Variants in MMP20 observed in about 807,000 individuals in gnomAD.
MMP20 encodes the protein matrix metallopeptidase 20, also known as matrix metalloproteinase-20.
Under a neutral mutation model 51.8 loss-of-function variants are expected in MMP20, and 50 were observed. The observed-to-expected ratio is 0.97, with a 90% confidence interval of 0.77 to 1.22. The LOEUF is 1.22. Among genes scored for constraint, MMP20 ranks in the 50% most tolerant of loss-of-function variants. The pLI, the probability that MMP20 is intolerant of heterozygous loss-of-function variation, is 0.00. For missense variants in MMP20, 663 were observed against 601.4 expected (o/e 1.10, Z -1.07); for synonymous variants, 244 against 216.2 (o/e 1.13, Z -1.13).
At chr11:102,579,540 G>C (rs1372952899) in intron 8 of MMP20, among the ~76,000 whole-genome samples, 1 of 151,966 alleles carries the variant, frequency 6.6e-6, no homozygotes, top group East Asian at 1.9e-4. Context: ...TCAAACTCCT[G>C]GTCTCAAGCA....
At chr11:102,606,779 T>C (rs1859523726) in intron 5 of MMP20, 103 bp from the exon 6 acceptor site, 5 of 1,373,244 alleles carry the variant, frequency 3.6e-6, no homozygotes, top group East Asian at 2.3e-5. Flanking sequence ...ACGCTGGACA[T>C]GTGATCATGA....
chr11:102,584,886 T>A (rs1218168626), intron 8 of MMP20, among the ~76,000 whole-genome samples: 1 of 152,184 alleles, frequency 6.6e-6, no homozygotes, highest in Admixed American at 6.5e-5. Flanking sequence ...ATACCATTTT[T>A]CTCCTTTGAA....
intron 1 of MMP20, among the ~76,000 whole-genome samples, chr11:102,624,959 C>T (rs1591628121): frequency 6.6e-6 from 1 of 152,126 alleles, no homozygotes; most frequent in East Asian, 1.9e-4. Flanking sequence ...CTTTATGAAG[C>T]AAGATAGCTA....
intron 2 of MMP20, among the ~76,000 whole-genome samples, chr11:102,615,186 T>TA (rs1859653510): frequency 6.9e-6 from 1 of 145,530 alleles, no homozygotes; most frequent in South Asian, 2.1e-4. Context: ...AATGTTTTAA[T>TA]AATATATTAT....
chr11:102,584,063 C>T (rs576423014), intron 8 of MMP20, among the ~76,000 whole-genome samples: 1 of 152,100 alleles, frequency 6.6e-6, no homozygotes, highest in Non-Finnish European at 1.5e-5. Context: ...CAGCATTCGT[C>T]TATTATTAAT....
chr11:102,581,654 C>T (rs1223118606), intron 8 of MMP20, among the ~76,000 whole-genome samples: 1 of 152,208 alleles, frequency 6.6e-6, no homozygotes, highest in East Asian at 1.9e-4. Flanking sequence ...ACATGAAATA[C>T]AGCTTCAGAT....
intron 6 of MMP20, 69 bp downstream of exon 6, chr11:102,606,466 T>A: frequency 6.3e-7 from 1 of 1,598,128 alleles, no homozygotes; most frequent in Non-Finnish European, 8.6e-7. Flanking sequence ...AACAAGGACC[T>A]GTGGGACGAC....
chr11:102,622,558 G>A (rs148897062), intron 1 of MMP20, among the ~76,000 whole-genome samples: 4 of 151,986 alleles, frequency 2.6e-5, no homozygotes, highest in African/African-American at 7.2e-5. Context: ...CCTGGACTAC[G>A]CCATTAAAAA....
chr11:102,619,465 C>T (rs1859719465), intron 1 of MMP20, among the ~76,000 whole-genome samples: 1 of 152,062 alleles, frequency 6.6e-6, no homozygotes, highest in Non-Finnish European at 1.5e-5. Flanking sequence ...TAAGTGGTAT[C>T]TAGTCACACC....
In MMP20 at chr11:102,612,048, A is replaced by G. The variant is rs1859608162; in HGVS notation, c.375-145T>C. 3.7e-6 allele frequency: 3 copies of G among 809,010 alleles called. No individual in the cohort carries two copies. The Admixed American group carries it at 6.8e-5, about 18-fold the overall frequency. The allele number at this position is 809,010 out of a possible 1,614,324, so 50.1% of individuals were successfully genotyped here. On this transcript the variant is annotated intron_variant, in intron 2 of 9. Coordinates refer to ENST00000260228, the MANE Select transcript of MMP20 (RefSeq NM_004771.4). ...AATAATTCTTATTTTGCTTTATTAT[A>G]TGTTAAATTTCTGCATATGAAACAA...
intron 6 of MMP20, among the ~76,000 whole-genome samples, chr11:102,595,190 G>C (rs1383432257): frequency 6.6e-6 from 1 of 152,088 alleles, no homozygotes; most frequent in Non-Finnish European, 1.5e-5. Context: ...GCCTCCCAAA[G>C]TGCTGGGATT....
intron 6 of MMP20, among the ~76,000 whole-genome samples, chr11:102,600,516 C>T (rs1160766480): frequency 6.6e-6 from 1 of 152,154 alleles, no homozygotes; most frequent in Non-Finnish European, 1.5e-5. Context: ...TAGGGTCTCG[C>T]TCTGTCACCC....
intron 1 of MMP20, 104 bp from the exon 2 acceptor site, chr11:102,617,163 T>C: frequency 7.3e-7 from 1 of 1,365,532 alleles, no homozygotes; most frequent in Non-Finnish European, 1.0e-6. Context: ...AAGCAGTGTG[T>C]AGAGTATTTT....
intron 1 of MMP20, among the ~76,000 whole-genome samples, chr11:102,621,097 C>T (rs753230355): frequency 1.4e-4 from 21 of 152,216 alleles, no homozygotes; most frequent in Non-Finnish European, 1.9e-4. Context: ...CCCTCCTACC[C>T]GCCTGCAAGA....
At chr11:102,590,885 C>A (rs902351542) in intron 8 of MMP20, among the ~76,000 whole-genome samples, 1 of 152,132 alleles carries the variant, frequency 6.6e-6, no homozygotes, top group Non-Finnish European at 1.5e-5. Flanking sequence ...GAGGCAACCA[C>A]GAGAATGCAA....
chr11:102,600,158 G>T (rs1859428732), intron 6 of MMP20, among the ~76,000 whole-genome samples: 2 of 152,178 alleles, frequency 1.3e-5, no homozygotes, highest in South Asian at 4.2e-4. Context: ...CTTACAGCCA[G>T]AAAAGACACA....
intron 6 of MMP20, among the ~76,000 whole-genome samples, chr11:102,604,450 A>G (rs1010556399): frequency 6.6e-6 from 1 of 152,234 alleles, no homozygotes; most frequent in African/African-American, 2.4e-5. Flanking sequence ...AAATACCTGA[A>G]GTTGTTTATA....
chr11:102,590,481 C>A (rs910097682), intron 8 of MMP20, among the ~76,000 whole-genome samples: 1 of 152,182 alleles, frequency 6.6e-6, no homozygotes, highest in African/African-American at 2.4e-5. Flanking sequence ...TGGCCCCAAG[C>A]CAACCTTCAA....
intron 8 of MMP20, among the ~76,000 whole-genome samples, chr11:102,585,720 T>C (rs1488628882): frequency 6.6e-6 from 1 of 152,180 alleles, no homozygotes; most frequent in African/African-American, 2.4e-5. Flanking sequence ...CCACTGACTA[T>C]GCCATCAGCT....
Sources: gnomAD v4.1 joint callset for allele counts (sites outside exome capture counted in the v4.1 genomes callset) on GRCh38, gnomAD v4.1.1 for gene constraint, MANE v1.5 for transcripts, NCBI Gene and HGNC (gene_info 2026-07-23, HGNC 2026-07-21) for gene names.